NUDT3: variants seen among roughly 807,000 people sequenced by gnomAD.
NUDT3 encodes diphosphoinositol polyphosphate phosphohydrolase 1.
Under a neutral mutation model 23.6 loss-of-function variants are expected in NUDT3, and 9 were observed. The ratio of observed to expected loss-of-function variants is 0.38; its 90% CI spans 0.23 to 0.66. The LOEUF (loss-of-function observed/expected upper bound fraction) is 0.66, where lower values mean the gene tolerates loss of function less well. Ranked by LOEUF, NUDT3 falls within the 30% of genes least tolerant of loss-of-function variation. The probability of loss-of-function intolerance (pLI) is 0.52; values close to 1 mark genes in which losing one functional copy is unlikely to be tolerated. For missense variants in NUDT3, 172 were observed against 218.5 expected (o/e 0.79, Z 1.34); for synonymous variants, 86 against 82.6 (o/e 1.04, Z -0.22).
At chr6:34,304,551 A>T (rs1763648179) in intron 2 of NUDT3, among the ~76,000 whole-genome samples, 1 of 152,290 alleles carries the variant, frequency 6.6e-6, no homozygotes, top group African/African-American at 2.4e-5. Flanking sequence ...AATTTTAGTA[A>T]AATTAATCTA....
intron 1 of NUDT3, among the ~76,000 whole-genome samples, chr6:34,357,423 G>C (rs1764579580): frequency 6.6e-6 from 1 of 151,836 alleles, no homozygotes; most frequent in Admixed American, 6.6e-5. Context: ...GACCAGCCTG[G>C]ACAACAGGGC....
At chr6:34,313,650 A>G (rs1320171624) in intron 2 of NUDT3, among the ~76,000 whole-genome samples, 3 of 151,788 alleles carry the variant, frequency 2.0e-5, no homozygotes, top group Non-Finnish European at 4.4e-5. Flanking sequence ...TTTGCTGTGA[A>G]TCTAAAACGG....
intron 3 of NUDT3, among the ~76,000 whole-genome samples, chr6:34,295,395 C>T (rs952586463): frequency 2.0e-4 from 30 of 152,046 alleles, no homozygotes; most frequent in Middle Eastern, 3.4e-3. Flanking sequence ...GGTGGTGTAT[C>T]CATGTAGTCT....
chr6:34,302,243 T>G (rs1763609372), intron 2 of NUDT3, among the ~76,000 whole-genome samples: 1 of 151,932 alleles, frequency 6.6e-6, no homozygotes, highest in African/African-American at 2.4e-5. Context: ...TTGCCCAGGC[T>G]GGTCTCAAAC....
chr6:34,389,748 G>C (rs752958588), intron 1 of NUDT3, among the ~76,000 whole-genome samples: 1 of 152,090 alleles, frequency 6.6e-6, no homozygotes, highest in Admixed American at 6.5e-5. Flanking sequence ...TGGATCATGA[G>C]GTCAGGAGAT....
intron 2 of NUDT3, among the ~76,000 whole-genome samples, chr6:34,321,964 G>A (rs114070653): frequency 0.016 from 2,480 of 152,104 alleles, 66 homozygotes; most frequent in African/African-American, 0.055. Flanking sequence ...TTGTTTTACC[G>A]CTTCTTGTGA....
At chr6:34,307,043 C>CAG in intron 2 of NUDT3, among the ~76,000 whole-genome samples, 2 of 152,232 alleles carry the variant, frequency 1.3e-5, no homozygotes, top group East Asian at 3.9e-4. Flanking sequence ...AAGCAAGATA[C>CAG]TCCTGTGCAG....
At chr6:34,302,179 G>A (rs771270911) in intron 2 of NUDT3, among the ~76,000 whole-genome samples, 4 of 151,044 alleles carry the variant, frequency 2.6e-5, no homozygotes, top group South Asian at 2.1e-4. Flanking sequence ...CTACAGGCAC[G>A]TGCCATCACA....
chr6:34,310,993 A>G (rs1304926610), intron 2 of NUDT3, among the ~76,000 whole-genome samples: 32 of 122,510 alleles, frequency 2.6e-4, no homozygotes, highest in African/African-American at 8.3e-4. Flanking sequence ...CACAGAAGGA[A>G]AAAAAAAAAA....
intron 2 of NUDT3, among the ~76,000 whole-genome samples, chr6:34,338,846 G>C (rs1296733097): frequency 6.6e-6 from 1 of 152,218 alleles, no homozygotes; most frequent in African/African-American, 2.4e-5. Context: ...ATCATTCACA[G>C]GGAATCTGGT....
chr6:34,295,505 T>A (rs1763485534), intron 3 of NUDT3, 136 bp downstream of exon 3: 1 of 978,660 alleles, frequency 1.0e-6, no homozygotes. Context: ...TGGGCGAGAG[T>A]GAGACCTTGT....
intron 1 of NUDT3, among the ~76,000 whole-genome samples, chr6:34,382,772 A>C (rs1365165260): frequency 6.6e-6 from 1 of 151,896 alleles, no homozygotes; most frequent in East Asian, 1.9e-4. Flanking sequence ...TCAAGGCTGC[A>C]GTTAGCCATG....
intron 1 of NUDT3, among the ~76,000 whole-genome samples, chr6:34,381,600 A>G (rs994878987): frequency 1.3e-5 from 2 of 152,126 alleles, no homozygotes; most frequent in Non-Finnish European, 2.9e-5. Context: ...ATAAAATCTA[A>G]AAGTTTTGTC....
At chr6:34,349,153 G>C (rs573689805) in intron 1 of NUDT3, among the ~76,000 whole-genome samples, 1 of 152,216 alleles carries the variant, frequency 6.6e-6, no homozygotes, top group South Asian at 2.1e-4. Flanking sequence ...CTCCTGAGTT[G>C]GCCTCTAAAA....
intron 1 of NUDT3, among the ~76,000 whole-genome samples, chr6:34,377,218 C>A (rs1439297202): frequency 6.6e-6 from 1 of 152,018 alleles, no homozygotes; most frequent in Non-Finnish European, 1.5e-5. Context: ...TACTGAAATG[C>A]CTAACGGTAA....
intron 2 of NUDT3, among the ~76,000 whole-genome samples, chr6:34,298,692 T>C (rs1763552690): frequency 6.6e-6 from 1 of 152,156 alleles, no homozygotes; most frequent in Non-Finnish European, 1.5e-5. Context: ...GCAATTCTCC[T>C]GCCTCAGCCT....
chr6:34,293,645 C>A, intron 3 of NUDT3, 110 bp from the exon 4 acceptor site: 1 of 1,297,924 alleles, frequency 7.7e-7, no homozygotes. Flanking sequence ...CACAAAGATT[C>A]TAAACTTTTA....
chr6:34,339,215 G>A (rs1764254309), intron 2 of NUDT3, among the ~76,000 whole-genome samples: 1 of 152,228 alleles, frequency 6.6e-6, no homozygotes, highest in Admixed American at 6.5e-5. Flanking sequence ...TTGTTCAAGT[G>A]CTTTGTATTG....
chr6:34,345,761 CTTTTGTTTTG>C (rs139229590), intron 1 of NUDT3, among the ~76,000 whole-genome samples: 4 of 150,610 alleles, frequency 2.7e-5, no homozygotes, highest in Non-Finnish European at 4.4e-5. Context: ...GTTATCCTTA[CTTTTGTTTTG>C]TTTTGTTTTG....
Sources: allele counts gnomAD v4.1 joint callset (sites outside exome capture counted in the v4.1 genomes callset), GRCh38; gene constraint gnomAD v4.1.1; transcripts MANE v1.5; gene names NCBI Gene and HGNC (gene_info 2026-07-23, HGNC 2026-07-21).